The following ABCD2 variants were observed in gnomAD, a reference collection of about 807,000 sequenced individuals.
ABCD2 encodes ATP-binding cassette sub-family D member 2.
Under a neutral mutation model 70.9 loss-of-function variants are expected in ABCD2, and 36 were observed. That is an observed-to-expected ratio of 0.51 (90% CI 0.39 to 0.67). The LOEUF is 0.67. Among genes scored for constraint, ABCD2 ranks in the 30% least tolerant of loss-of-function variants. The probability of loss-of-function intolerance (pLI) is 0.00; values close to 1 mark genes in which losing one functional copy is unlikely to be tolerated. For synonymous variants in ABCD2, 304 were observed against 306.9 expected (o/e 0.99, Z 0.10); for missense variants, 729 against 890.2 (o/e 0.82, Z 2.30).
chr12:39,534,419 T>C, the ABCD2 span, among the ~76,000 whole-genome samples: 3 of 152,202 alleles, frequency 2.0e-5, no homozygotes, highest in Non-Finnish European at 2.9e-5. Context: ...TTAGTTTCTC[T>C]GCCTGTAAAA....
chr12:39,574,401 A>G (rs2120596545), intron 8 of ABCD2, among the ~76,000 whole-genome samples: 1 of 152,306 alleles, frequency 6.6e-6, no homozygotes, highest in South Asian at 2.1e-4. Context: ...ACCATACTCC[A>G]GAATCAAATT....
At position 39,600,693 on chromosome 12, in the gene ABCD2, C is replaced by T. The variant is rs149853857; in HGVS notation, c.1524G>A (p.Leu508=). Residue 508 remains leucine (L), a synonymous_variant, in exon 6 of 10, where the codon TTG becomes TTA. Coordinates refer to ENST00000308666, the MANE Select transcript of ABCD2 (RefSeq NM_005164.4). ...NFKVEEGMHL[L]ITGPNGCGKS... ...TCCCACAACCATTGGGACCAGTTAT[C>T]AAAAGATGCATTCCTTCTTCTACCT... 2.1e-5 allele frequency: 34 copies of T among 1,610,354 alleles called. No homozygotes were observed. In the African/African-American group the frequency reaches 3.7e-4, roughly 18 times the overall value.
chr12:39,545,252 A>G (rs1433764746), downstream of ABCD2, among the ~76,000 whole-genome samples: 5 of 152,210 alleles, frequency 3.3e-5, no homozygotes, highest in Non-Finnish European at 7.3e-5. Flanking sequence ...AAAGCCTTCA[A>G]AAATTTGGCT....
chr12:39,572,412 T>C lies in ABCD2; in HGVS notation c.2003+1304A>G, dbSNP rs564569615. ...GTCTTAAAGATCTAGGTCCTGTTGG[T>C]CTTCTTCAGGATAAAAGTCAGAGGA... On this transcript the variant is annotated intron_variant, in intron 9 of 9. Coordinates refer to ENST00000308666, the MANE Select transcript of ABCD2 (RefSeq NM_005164.4). 6.6e-5 allele frequency among the ~76,000 whole-genome samples: 10 copies of C among 152,296 alleles called. No homozygotes were observed. The East Asian group carries it at 1.4e-3, about 21-fold the overall frequency.
At chr12:39,569,975 C>T (rs978102207) in intron 9 of ABCD2, among the ~76,000 whole-genome samples, 10 of 152,090 alleles carry the variant, frequency 6.6e-5, no homozygotes, top group African/African-American at 2.4e-4. Context: ...AGGAAACAAT[C>T]CCATTTTCAA....
chr12:39,534,727 GA>G, the ABCD2 span, among the ~76,000 whole-genome samples: 123 of 113,620 alleles, frequency 1.1e-3, no homozygotes, highest in African/African-American at 4.3e-3. Context: ...AGGAAGGAAG[GA>G]AAAGAAGGAA....
intron 7 of ABCD2, among the ~76,000 whole-genome samples, chr12:39,580,232 G>T (rs946532166): frequency 6.6e-6 from 1 of 152,128 alleles, no homozygotes; most frequent in South Asian, 2.1e-4. Flanking sequence ...TGAGCTGCCA[G>T]ATGGGGCCAG....
chr12:39,535,557 A>G, the ABCD2 span, among the ~76,000 whole-genome samples: 1 of 152,166 alleles, frequency 6.6e-6, no homozygotes, highest in Non-Finnish European at 1.5e-5. Context: ...AAATAAATCT[A>G]CATAGTTAAC....
At chr12:39,563,526 G>T (rs1353248342) in intron 9 of ABCD2, among the ~76,000 whole-genome samples, 1 of 151,866 alleles carries the variant, frequency 6.6e-6, no homozygotes, top group Non-Finnish European at 1.5e-5. Flanking sequence ...GCAAGAAAAA[G>T]AAATAAAAGG....
chr12:39,608,632 G>A (rs1942004311), intron 2 of ABCD2, among the ~76,000 whole-genome samples: 1 of 152,084 alleles, frequency 6.6e-6, no homozygotes, highest in African/African-American at 2.4e-5. Flanking sequence ...AGGTTGCAGT[G>A]AGCGGAGATC....
chr12:39,616,819 T>A (rs548282654), intron 2 of ABCD2, among the ~76,000 whole-genome samples, 169 bp downstream of exon 2: 14 of 152,112 alleles, frequency 9.2e-5, no homozygotes, highest in Non-Finnish European at 1.9e-4. Context: ...TCTCCTTATT[T>A]CATACTGCTG....
At chr12:39,560,659 A>G (rs1299908989) in intron 9 of ABCD2, among the ~76,000 whole-genome samples, 1 of 152,176 alleles carries the variant, frequency 6.6e-6, no homozygotes. Context: ...CATATATACA[A>G]TATAAAAAGA....
At chr12:39,604,618 A>G (rs1211649360) in intron 4 of ABCD2, 144 bp downstream of exon 4, 3 of 552,104 alleles carry the variant, frequency 5.4e-6, no homozygotes, top group Non-Finnish European at 8.9e-6. Flanking sequence ...AAATTGCAAT[A>G]CTAATATTAG....
intron 8 of ABCD2, among the ~76,000 whole-genome samples, chr12:39,576,245 C>T (rs1171350706): frequency 2.0e-5 from 3 of 152,104 alleles, no homozygotes; most frequent in South Asian, 2.1e-4. Context: ...CTGCAATCTC[C>T]GCCTCCTGGG....
chr12:39,535,217 G>T, the ABCD2 span, among the ~76,000 whole-genome samples: 1 of 152,154 alleles, frequency 6.6e-6, no homozygotes, highest in African/African-American at 2.4e-5. Flanking sequence ...CAGACGGTGG[G>T]ATTAAGTAAT....
At chr12:39,589,873 T>G (rs141230222) in intron 6 of ABCD2, among the ~76,000 whole-genome samples, 311 of 152,326 alleles carry the variant, frequency 2.0e-3, no homozygotes, top group Non-Finnish European at 3.4e-3. Context: ...TTTATGATCA[T>G]GTGAAATGGT....
chr12:39,586,191 G>A lies in ABCD2; in HGVS notation c.1753C>T (p.His585Tyr), dbSNP rs1941663871. The A allele has an allele frequency of 1.2e-6, 2 of 1,613,294 alleles. No homozygotes were observed. Among genetic ancestry groups the A allele is most frequent in the Non-Finnish European group, 1.7e-6 (2 of 1,179,482 alleles). ...YTDQDLERILHNVHLYHIVQR... is the reference protein window; with the variant it reads ...YTDQDLERILYNVHLYHIVQR... ...ACTATGTGATAGAGATGGACATTGT[G>A]TAGGATACGTTCCAGATCTTGGTCT... Residue 585 changes from histidine (H) to tyrosine (Y), a missense_variant, in exon 7 of 10, where the codon CAC becomes TAC. Transcript: ENST00000308666.
rs144876901 is a variant in ABCD2, at chr12:39,586,849, T to G, written c.1647-552A>C. 2.4e-3 allele frequency among the ~76,000 whole-genome samples: 360 copies of G among 152,326 alleles called. 3 individuals carry two copies. The highest frequency in any genetic ancestry group is 8.4e-3 in the African/African-American group (351 of 41,584). Reference sequence around the variant, plus strand: ...ATGTGAACAAACAAAACAAAAAAATTTAATTCATAGTAAGAAAAACACAAA... The same window carrying G: ...ATGTGAACAAACAAAACAAAAAAATGTAATTCATAGTAAGAAAAACACAAA... On this transcript the variant is annotated intron_variant, in intron 6 of 9. Coordinates refer to ENST00000308666, the MANE Select transcript of ABCD2 (RefSeq NM_005164.4).
At chr12:39,600,786 A>G (rs1405880736) in intron 5 of ABCD2, 70 bp from the exon 6 acceptor site, 1 of 1,383,364 alleles carries the variant, frequency 7.2e-7, no homozygotes, top group Non-Finnish European at 9.9e-7. Flanking sequence ...CCTAAAAGTA[A>G]ATTATTTTTT....
Sources: gnomAD v4.1 joint callset for allele counts (sites outside exome capture counted in the v4.1 genomes callset) on GRCh38, gnomAD v4.1.1 for gene constraint, MANE v1.5 for transcripts, NCBI Gene and HGNC (gene_info 2026-07-23, HGNC 2026-07-21) for gene names.